Variants in MYO1E observed in about 807,000 individuals in gnomAD.
MYO1E encodes unconventional myosin-Ie.
MYO1E carries 68 observed loss-of-function variants against 151.1 expected under a neutral mutation model. The observed-to-expected ratio is 0.45, with a 90% CI of 0.37 to 0.55. MYO1E has a LOEUF of 0.55. MYO1E is among the 20% of genes least tolerant of loss of function. MYO1E has a pLI of 0.00. For synonymous variants in MYO1E, 601 were observed against 501.7 expected (o/e 1.20, Z -2.64); for missense variants, 1,363 against 1,389.3 (o/e 0.98, Z 0.30).
At chr15:59,267,272 G>A (rs922334524) in intron 2 of MYO1E, among the ~76,000 whole-genome samples, 11 of 151,950 alleles carry the variant, frequency 7.2e-5, no homozygotes, top group Non-Finnish European at 1.3e-4. Context: ...TGATCCACCT[G>A]CCTCAGCCTC....
At chr15:59,248,498 A>AAG in intron 4 of MYO1E, among the ~76,000 whole-genome samples, 1 of 150,466 alleles carries the variant, frequency 6.6e-6, no homozygotes, top group African/African-American at 2.5e-5. Flanking sequence ...AAAAAAAAAA[A>AAG]AAAAAAAAAA....
chr15:59,155,546 G>A (rs540971797), intron 25 of MYO1E, among the ~76,000 whole-genome samples: 2 of 152,234 alleles, frequency 1.3e-5, no homozygotes, highest in East Asian at 1.9e-4. Flanking sequence ...GCTCAAGGTC[G>A]GAAACTTTGT....
chr15:59,299,779 C>T (rs1263819849), intron 1 of MYO1E, among the ~76,000 whole-genome samples: 2 of 152,222 alleles, frequency 1.3e-5, no homozygotes, highest in Non-Finnish European at 2.9e-5. Context: ...TAAAGAAACT[C>T]TGTAGTTTCA....
rs71977305 is a variant in MYO1E at position 59,196,986 on chromosome 15, C to CTTTTTTTTTTTT, written c.1699-1431_1699-1420dup. Among the ~76,000 whole-genome samples the CTTTTTTTTTTTT allele has an allele frequency of 3.4e-3, 241 of 71,514 alleles. 23 individuals carry two copies. Among genetic ancestry groups the CTTTTTTTTTTTT allele is most frequent in the Admixed American group, 5.4e-3 (21 of 3,918 alleles). 46.9% of individuals were successfully genotyped at this position (71,514 alleles called of 152,430 possible). A position where few individuals can be genotyped will look rare whatever the true frequency, so the allele number is the denominator to read the frequency against. On this transcript the variant is annotated intron_variant, in intron 16 of 27. Transcript: ENST00000288235. ...ATTTTAGTTTTGTATTTAATTACGA[C>CTTTTTTTTTTTT]TTTTTTTTTTTTTTTTTTTTTTTTG...
At chr15:59,252,167 C>G (rs2140368049) in intron 4 of MYO1E, among the ~76,000 whole-genome samples, 1 of 152,208 alleles carries the variant, frequency 6.6e-6, no homozygotes, top group Non-Finnish European at 1.5e-5. Flanking sequence ...TCATTTTTCT[C>G]TTAAAAAGCT....
At chr15:59,209,813 ACCTT>A (rs1400450135) in intron 13 of MYO1E, among the ~76,000 whole-genome samples, 5 of 71,166 alleles carry the variant, frequency 7.0e-5, no homozygotes, top group African/African-American at 9.7e-5. Flanking sequence ...ATTTTGAATC[ACCTT>A]TTTTTTTTTT....
chr15:59,275,759 C>A (rs1281056593), intron 1 of MYO1E, among the ~76,000 whole-genome samples: 1 of 152,212 alleles, frequency 6.6e-6, no homozygotes, highest in Admixed American at 6.5e-5. Context: ...AGCTGGGAAG[C>A]TTTAGCAGAG....
chr15:59,153,456 G>C, intron 26 of MYO1E, 134 bp downstream of exon 26: 1 of 927,400 alleles, frequency 1.1e-6, no homozygotes, highest in Non-Finnish European at 1.7e-6. Flanking sequence ...CTTGGGTCCT[G>C]GCATATAGCA....
At chr15:59,346,387 T>C (rs1176086659) in intron 1 of MYO1E, among the ~76,000 whole-genome samples, 1 of 152,148 alleles carries the variant, frequency 6.6e-6, no homozygotes, top group Non-Finnish European at 1.5e-5. Context: ...ACTGGGACAC[T>C]TGAGGAGAAC....
At chr15:59,166,825 C>A (rs1468881043) in intron 22 of MYO1E, among the ~76,000 whole-genome samples, 3 of 152,180 alleles carry the variant, frequency 2.0e-5, no homozygotes, top group Non-Finnish European at 4.4e-5. Flanking sequence ...AGAAGCTTCA[C>A]CTGACCCGCA....
At chr15:59,320,405 T>A (rs1304394346) in intron 1 of MYO1E, among the ~76,000 whole-genome samples, 1 of 152,130 alleles carries the variant, frequency 6.6e-6, no homozygotes, top group African/African-American at 2.4e-5. Context: ...GACATCACAT[T>A]AACTGACTTT....
chr15:59,224,707 C>G lies in MYO1E; in HGVS notation c.759G>C (p.Arg253=). The G allele has an allele frequency of 6.2e-7, 1 of 1,613,418 alleles. No individual in the cohort carries two copies. The highest frequency in any genetic ancestry group is 2.2e-5 in the East Asian group (1 of 44,882). Residue 253 remains arginine (R), a synonymous_variant, in exon 8 of 28, where the codon CGG becomes CGC. Transcript: ENST00000288235. ...SYKVDDIDDR[R]EFQETLHAMN... is the part of the protein sequence containing the mutation. ...CACTTACCAGAGTTTCCTGAAACTC[C>G]CGCCTGTCGTCAATGTCATCAACCT...
chr15:59,178,116 G>C (rs1483006301), intron 19 of MYO1E, among the ~76,000 whole-genome samples: 1 of 152,230 alleles, frequency 6.6e-6, no homozygotes, highest in Non-Finnish European at 1.5e-5. Context: ...AGCTAGAGAG[G>C]AGCGAGACAG....
chr15:59,340,379 T>A (rs1332640798), intron 1 of MYO1E, among the ~76,000 whole-genome samples: 4 of 99,456 alleles, frequency 4.0e-5, no homozygotes, highest in African/African-American at 8.5e-5. Flanking sequence ...CACATTAACC[T>A]TTTTTTTTTT....
chr15:59,206,946 T>C (rs2079838955), intron 14 of MYO1E: 3 of 1,612,388 alleles, frequency 1.9e-6, no homozygotes, highest in Non-Finnish European at 2.5e-6. Context: ...CAGCCATGAG[T>C]TGGACTGTGC....
intron 1 of MYO1E, among the ~76,000 whole-genome samples, chr15:59,339,024 G>A (rs540070606): frequency 6.6e-6 from 1 of 152,254 alleles, no homozygotes; most frequent in South Asian, 2.1e-4. Context: ...CCCTGCTACT[G>A]GGGAGGCTGA....
At chr15:59,362,018 A>G (rs1967040) in intron 1 of MYO1E, among the ~76,000 whole-genome samples, 145,164 of 151,966 alleles carry the variant, frequency 0.96, 69,603 homozygotes, top group East Asian at 1. Flanking sequence ...TGTATTTTTA[A>G]TAGAGATGGG....
chr15:59,174,336 A>ACACG (rs2140317536), intron 19 of MYO1E, 96 bp from the exon 20 acceptor site: 1 of 859,534 alleles, frequency 1.2e-6, no homozygotes, highest in Admixed American at 1.7e-5. Context: ...AGTTTAGACA[A>ACACG]TGACACACAC....
intron 1 of MYO1E, 96 bp downstream of exon 1, chr15:59,372,402 T>C (rs2080952343): frequency 1.4e-6 from 2 of 1,458,118 alleles, no homozygotes; most frequent in Non-Finnish European, 1.9e-6. Context: ...TCTCCACCCC[T>C]GGCCCCGGCA....
Sources: allele counts gnomAD v4.1 joint callset (sites outside exome capture counted in the v4.1 genomes callset), GRCh38; gene constraint gnomAD v4.1.1; transcripts MANE v1.5; gene names NCBI Gene and HGNC (gene_info 2026-07-23, HGNC 2026-07-21).